PTPRK: variants seen among roughly 807,000 people sequenced by gnomAD.
The protein encoded by PTPRK is protein tyrosine phosphatase receptor type K.
Under a neutral mutation model 178.0 loss-of-function variants are expected in PTPRK, and 75 were observed. The ratio of observed to expected loss-of-function variants is 0.42; its 90% CI spans 0.35 to 0.51. The LOEUF (loss-of-function observed/expected upper bound fraction) is 0.51, where lower values mean the gene tolerates loss of function less well. PTPRK is among the 20% of genes least tolerant of loss of function. PTPRK has a pLI of 0.02. For synonymous variants in PTPRK, 637 were observed against 620.6 expected (o/e 1.03, Z -0.39); for missense variants, 1,441 against 1,797.8 (o/e 0.80, Z 3.59).
chr6:128,388,413 G>A (rs1839075721), intron 2 of PTPRK, among the ~76,000 whole-genome samples: 1 of 152,156 alleles, frequency 6.6e-6, no homozygotes, highest in South Asian at 2.1e-4. Flanking sequence ...GCCACTGAAT[G>A]AGCCAACTCT....
chr6:128,164,592 G>C (rs929048988), intron 7 of PTPRK, among the ~76,000 whole-genome samples: 1 of 151,136 alleles, frequency 6.6e-6, no homozygotes, highest in Non-Finnish European at 1.5e-5. Context: ...CTTTAAAAAG[G>C]TTTTAAAAAA....
At chr6:128,057,923 T>C (rs1342073182) in intron 13 of PTPRK, among the ~76,000 whole-genome samples, 1 of 152,198 alleles carries the variant, frequency 6.6e-6, no homozygotes, top group Non-Finnish European at 1.5e-5. Context: ...AATTAAACAA[T>C]AAAGTGTATA....
At chr6:128,307,809 G>A (rs1219222550) in intron 3 of PTPRK, among the ~76,000 whole-genome samples, 2 of 152,062 alleles carry the variant, frequency 1.3e-5, no homozygotes, top group East Asian at 1.9e-4. Context: ...TAAATACCAA[G>A]GGTTACTCAG....
At chr6:128,516,559 G>A (rs1225919951) in intron 1 of PTPRK, among the ~76,000 whole-genome samples, 3 of 152,150 alleles carry the variant, frequency 2.0e-5, no homozygotes, top group African/African-American at 7.2e-5. Flanking sequence ...CTTCCTAGCA[G>A]GTAATAAGTA....
intron 3 of PTPRK, among the ~76,000 whole-genome samples, chr6:128,302,391 C>CAAAAAA (rs534525238): frequency 6.5e-5 from 2 of 30,914 alleles, no homozygotes; most frequent in African/African-American, 1.2e-4. Context: ...GACTCAATTC[C>CAAAAAA]AAAAAAAAAA....
chr6:128,323,663 A>G (rs943781843), intron 2 of PTPRK, among the ~76,000 whole-genome samples: 4 of 152,266 alleles, frequency 2.6e-5, no homozygotes, highest in South Asian at 4.1e-4. Flanking sequence ...TTCAAATGTG[A>G]CCGATTGCCA....
intron 7 of PTPRK, among the ~76,000 whole-genome samples, chr6:128,161,941 G>A (rs1798769245): frequency 6.6e-6 from 1 of 151,554 alleles, no homozygotes; most frequent in East Asian, 1.9e-4. Context: ...TGATTATGAG[G>A]TAGAGATCAA....
At chr6:128,204,321 T>C (rs1017106389) in intron 6 of PTPRK, among the ~76,000 whole-genome samples, 1 of 152,124 alleles carries the variant, frequency 6.6e-6, no homozygotes, top group African/African-American at 2.4e-5. Flanking sequence ...ATAAAAAGCC[T>C]AGAAGGAAAT....
At chr6:128,242,696 A>G in intron 3 of PTPRK, 94 bp from the exon 4 acceptor site, 1 of 1,475,190 alleles carries the variant, frequency 6.8e-7, no homozygotes, top group Admixed American at 2.5e-5. Context: ...AAGTAAATCT[A>G]ATTTTTGTTC....
At position 128,520,439 on chromosome 6, in the gene PTPRK, G is replaced by A. The variant is rs1858887588; in HGVS notation, c.-81C>T. 1 of 1,386,328 alleles carries A rather than the reference G, an allele frequency of 7.2e-7. No homozygotes were observed. The highest frequency in any genetic ancestry group is 1.0e-6 in the Non-Finnish European group (1 of 1,000,050). The allele number at this position is 1,386,328 out of a possible 1,614,324, so 85.9% of individuals were successfully genotyped here. A position where few individuals can be genotyped will look rare whatever the true frequency, so the allele number is the denominator to read the frequency against. On this transcript the variant is annotated 5_prime_UTR_variant, in exon 1 of 30. Transcript: ENST00000368226. ...CGCGAAATCCACGACGGAGGAGCGGGCCGGGCCTCGCGGGGTGAGGACGGT... is the reference window on the plus strand; with the variant it reads ...CGCGAAATCCACGACGGAGGAGCGGACCGGGCCTCGCGGGGTGAGGACGGT...
intron 3 of PTPRK, among the ~76,000 whole-genome samples, chr6:128,281,403 C>A (rs1821650704): frequency 6.6e-6 from 1 of 152,198 alleles, no homozygotes; most frequent in Non-Finnish European, 1.5e-5. Flanking sequence ...ACTCCTTTTT[C>A]TCCCCTCAAA....
rs143357320 is a variant in PTPRK at position 128,438,516 on chromosome 6, A to C, written c.101-40828T>G. Among the ~76,000 whole-genome samples, 929 of 152,312 alleles carry C rather than the reference A, an allele frequency of 6.1e-3. 3 individuals carry two copies. Among genetic ancestry groups the C allele is most frequent in the South Asian group, 0.028 (135 of 4,828 alleles). ...AATGGAGAAGAGCCAGTCAGCATTCATCTCTCTACTTCTGTCCAACTAACT... is the reference window on the plus strand; with the variant it reads ...AATGGAGAAGAGCCAGTCAGCATTCCTCTCTCTACTTCTGTCCAACTAACT... On this transcript the variant is annotated intron_variant, in intron 1 of 29. Transcript: ENST00000368226.
At chr6:128,037,545 T>C (rs1164766391) in intron 13 of PTPRK, among the ~76,000 whole-genome samples, 2 of 152,208 alleles carry the variant, frequency 1.3e-5, no homozygotes, top group African/African-American at 4.8e-5. Flanking sequence ...GAGTTTATTA[T>C]TCACTTAACA....
At chr6:128,184,854 A>G in intron 6 of PTPRK, 129 bp from the exon 7 acceptor site, 1 of 971,856 alleles carries the variant, frequency 1.0e-6, no homozygotes, top group Non-Finnish European at 1.5e-6. Flanking sequence ...TTGAAAGAAA[A>G]CTAGAAGACG....
chr6:128,315,706 A>T (rs1340637923), intron 3 of PTPRK, among the ~76,000 whole-genome samples: 2 of 152,210 alleles, frequency 1.3e-5, no homozygotes, highest in African/African-American at 4.8e-5. Flanking sequence ...CAAATGTCTG[A>T]CATTTGCTGT....
chr6:128,518,940 A>C, intron 1 of PTPRK: 1 of 466,614 alleles, frequency 2.1e-6, no homozygotes, highest in Non-Finnish European at 4.4e-6. Flanking sequence ...GAAAACAACA[A>C]TTTGAGTTTA....
At chr6:128,220,008 T>C (rs1309992167) in intron 5 of PTPRK, among the ~76,000 whole-genome samples, 1 of 152,218 alleles carries the variant, frequency 6.6e-6, no homozygotes, top group Non-Finnish European at 1.5e-5. Flanking sequence ...TTTGAAAGCA[T>C]ACCTGTCAAA....
At chr6:128,273,617 A>G (rs1820246487) in intron 3 of PTPRK, among the ~76,000 whole-genome samples, 2 of 152,132 alleles carry the variant, frequency 1.3e-5, no homozygotes, top group South Asian at 2.1e-4. Flanking sequence ...TTCTGCTACA[A>G]TCACCTCAAG....
At chr6:128,005,567 T>G (rs992968093) in intron 14 of PTPRK, among the ~76,000 whole-genome samples, 13 of 149,174 alleles carry the variant, frequency 8.7e-5, no homozygotes, top group Non-Finnish European at 1.8e-4. Flanking sequence ...CTAGAGTAAT[T>G]CAATAAATAT....
Sources: allele counts gnomAD v4.1 joint callset (sites outside exome capture counted in the v4.1 genomes callset), GRCh38; gene constraint gnomAD v4.1.1; transcripts MANE v1.5; gene names NCBI Gene and HGNC (gene_info 2026-07-23, HGNC 2026-07-21).